TTC28: variants seen among roughly 807,000 people sequenced by gnomAD.
TTC28 encodes tetratricopeptide repeat protein 28.
Under a neutral mutation model 198.0 loss-of-function variants are expected in TTC28, and 61 were observed. That is an observed-to-expected ratio of 0.31 (90% CI 0.25 to 0.38). The LOEUF (loss-of-function observed/expected upper bound fraction) is 0.38. Ranked by LOEUF, TTC28 falls within the 10% of genes least tolerant of loss-of-function variation. The pLI is 1.00. For synonymous variants in TTC28, 1,171 were observed against 1,297.8 expected (o/e 0.90, Z 2.10); for missense variants, 2,678 against 3,164.0 (o/e 0.85, Z 3.69).
intron 2 of TTC28, among the ~76,000 whole-genome samples, chr22:28,414,041 A>G (rs2047129987): frequency 6.6e-6 from 1 of 152,246 alleles, no homozygotes; most frequent in Non-Finnish European, 1.5e-5. Context: ...AGCTTAGATG[A>G]GCTTAAATAT....
At chr22:28,535,320 A>C (rs1446038676) in intron 2 of TTC28, among the ~76,000 whole-genome samples, 4 of 152,138 alleles carry the variant, frequency 2.6e-5, no homozygotes, top group Non-Finnish European at 4.4e-5. Context: ...AACATTGACA[A>C]CACCACAGAG....
intron 5 of TTC28, among the ~76,000 whole-genome samples, chr22:28,188,304 T>G (rs533468096): frequency 7.2e-5 from 11 of 152,010 alleles, no homozygotes; most frequent in South Asian, 2.1e-4. Context: ...GGAAAACAGA[T>G]GGATAAATGG....
rs2045291740 is a variant in TTC28 at position 28,312,985 on chromosome 22, AAAGAG to A, written c.382-6347_382-6343del. Among the ~76,000 whole-genome samples the A allele has an allele frequency of 2.0e-5, 3 of 152,180 alleles. No individual in the cohort carries two copies. The South Asian group carries it at 6.2e-4, about 32-fold the overall frequency. On this transcript the variant is annotated intron_variant, in intron 2 of 22. Transcript: ENST00000397906. ...ACTAGCAAGAAAAATAAACAAGAAA[AAAGAG>A]AAGAATCAAATAGACGTGATAAAAA... is the stretch of plus-strand genomic sequence containing the variant.
intron 1 of TTC28, chr22:28,643,352 T>C (rs917887466): frequency 2.0e-5 from 3 of 152,122 alleles, no homozygotes; most frequent in African/African-American, 7.2e-5. Flanking sequence ...GTCATAAAGA[T>C]ACATAGAGAA....
chr22:28,659,133 C>G (rs1250462528), intron 1 of TTC28, among the ~76,000 whole-genome samples: 1 of 152,216 alleles, frequency 6.6e-6, no homozygotes. Context: ...TGACGTTGAA[C>G]TTCCTAACCT....
chr22:28,445,571 C>A (rs112815629), intron 2 of TTC28, among the ~76,000 whole-genome samples: 1 of 152,140 alleles, frequency 6.6e-6, no homozygotes, highest in Admixed American at 6.6e-5. Flanking sequence ...TCTGAGCTCA[C>A]CTTTTACCCT....
At chr22:28,290,543 A>G (rs568453737) in intron 5 of TTC28, among the ~76,000 whole-genome samples, 2 of 152,312 alleles carry the variant, frequency 1.3e-5, no homozygotes, top group East Asian at 3.9e-4. Context: ...TATAATTTTC[A>G]TATGGTAATT....
chr22:28,276,013 T>C (rs933906290), intron 5 of TTC28, among the ~76,000 whole-genome samples: 4 of 149,100 alleles, frequency 2.7e-5, no homozygotes, highest in African/African-American at 1.0e-4. Context: ...TCACCAGTAA[T>C]TTTTTTTTCT....
intron 5 of TTC28, among the ~76,000 whole-genome samples, chr22:28,263,570 C>T (rs1392119184): frequency 6.6e-6 from 1 of 152,102 alleles, no homozygotes; most frequent in Non-Finnish European, 1.5e-5. Flanking sequence ...ATCCTACTCT[C>T]CTATACCTAC....
chr22:28,538,397 A>T (rs1443784192), intron 2 of TTC28, among the ~76,000 whole-genome samples: 2 of 150,418 alleles, frequency 1.3e-5, no homozygotes. Context: ...CTATAGGTAT[A>T]TCTTTATATG....
intron 2 of TTC28, among the ~76,000 whole-genome samples, chr22:28,390,593 T>C (rs1004721478): frequency 6.6e-6 from 1 of 152,256 alleles, no homozygotes; most frequent in South Asian, 2.1e-4. Context: ...TTTACCATTA[T>C]GTAATGGCCT....
intron 12 of TTC28, among the ~76,000 whole-genome samples, chr22:28,042,463 A>G (rs1273278009): frequency 1.3e-5 from 2 of 152,164 alleles, no homozygotes; most frequent in Non-Finnish European, 2.9e-5. Context: ...CATCATTCTA[A>G]GCAAACTATC....
intron 5 of TTC28, among the ~76,000 whole-genome samples, chr22:28,183,090 G>A (rs1182447554): frequency 6.0e-5 from 9 of 149,192 alleles, no homozygotes; most frequent in South Asian, 2.1e-4. Context: ...ACTGAGTCTC[G>A]CTCTGTCACC....
chr22:28,087,877 C>T (rs1381351330), intron 12 of TTC28, among the ~76,000 whole-genome samples: 2 of 152,116 alleles, frequency 1.3e-5, no homozygotes, highest in Non-Finnish European at 2.9e-5. Context: ...AACAGACAAA[C>T]AGAGAGCCAA....
At chr22:28,477,783 C>T (rs1235890274) in intron 2 of TTC28, among the ~76,000 whole-genome samples, 3 of 152,156 alleles carry the variant, frequency 2.0e-5, no homozygotes, top group Non-Finnish European at 4.4e-5. Context: ...CATTCTTTCC[C>T]ACCTGCCCTC....
chr22:28,118,004 T>C (rs77107750), intron 6 of TTC28, among the ~76,000 whole-genome samples: 2,381 of 152,316 alleles, frequency 0.016, 82 homozygotes, highest in African/African-American at 0.055. Flanking sequence ...TTTACCCCGA[T>C]GGTGATTATT....
chr22:28,593,516 A>G (rs12170206), intron 2 of TTC28, among the ~76,000 whole-genome samples: 83 of 144,406 alleles, frequency 5.7e-4, no homozygotes, highest in African/African-American at 2.0e-3. Context: ...TAGGTAGGTA[A>G]GTAGGTGGAT....
At chr22:28,494,277 G>A (rs2048421592) in intron 2 of TTC28, among the ~76,000 whole-genome samples, 1 of 152,142 alleles carries the variant, frequency 6.6e-6, no homozygotes, top group Non-Finnish European at 1.5e-5. Flanking sequence ...AGGATCATCT[G>A]ACATTTGAGC....
intron 14 of TTC28, among the ~76,000 whole-genome samples, chr22:28,010,513 C>G (rs943958557): frequency 2.0e-5 from 3 of 152,216 alleles, no homozygotes; most frequent in Non-Finnish European, 4.4e-5. Flanking sequence ...TCCTGCCCTC[C>G]ACCTCTTCCT....
Sources: gnomAD v4.1 joint callset for allele counts (sites outside exome capture counted in the v4.1 genomes callset) on GRCh38, gnomAD v4.1.1 for gene constraint, MANE v1.5 for transcripts, NCBI Gene and HGNC (gene_info 2026-07-23, HGNC 2026-07-21) for gene names.